Variants in TOR1AIP1 observed in about 807,000 individuals in gnomAD.
TOR1AIP1 encodes the protein torsin-1A-interacting protein 1.
Under a neutral mutation model 63.3 loss-of-function variants are expected in TOR1AIP1, and 54 were observed. The ratio of observed to expected loss-of-function variants is 0.85; its 90% CI spans 0.69 to 1.07. The LOEUF (loss-of-function observed/expected upper bound fraction) is 1.07. TOR1AIP1 is among the 50% of genes least tolerant of loss of function. TOR1AIP1 has a pLI of 0.00. For missense variants in TOR1AIP1, 736 were observed against 715.0 expected (o/e 1.03, Z -0.33); for synonymous variants, 294 against 273.5 (o/e 1.07, Z -0.74).
At chr1:179,890,827 C>A (rs1221892748) in intron 3 of TOR1AIP1, among the ~76,000 whole-genome samples, 2 of 152,232 alleles carry the variant, frequency 1.3e-5, no homozygotes, top group African/African-American at 4.8e-5. Context: ...ACCATGTTGC[C>A]CAGGCTAGTC....
intron 8 of TOR1AIP1, among the ~76,000 whole-genome samples, chr1:179,909,690 CCTCCCTGAATG>C (rs1331553243): frequency 4.6e-5 from 7 of 152,144 alleles, no homozygotes; most frequent in African/African-American, 1.7e-4. Context: ...CCTGCCTTGG[CCTCCCTGAATG>C]CTGGGATTAC....
intron 5 of TOR1AIP1, among the ~76,000 whole-genome samples, chr1:179,901,865 C>T (rs531212583): frequency 1.3e-5 from 2 of 151,908 alleles, no homozygotes; most frequent in Admixed American, 1.3e-4. Context: ...AGAAAAATAC[C>T]AGTTTGAGGC....
At chr1:179,905,781 C>T (rs534840553) in intron 6 of TOR1AIP1, among the ~76,000 whole-genome samples, 5 of 152,124 alleles carry the variant, frequency 3.3e-5, no homozygotes, top group East Asian at 3.9e-4. Flanking sequence ...GGTGAAACCC[C>T]GTCTCTGCTA....
intron 3 of TOR1AIP1, among the ~76,000 whole-genome samples, chr1:179,889,983 A>T (rs1041203639): frequency 2.6e-5 from 4 of 152,160 alleles, no homozygotes; most frequent in African/African-American, 9.7e-5. Flanking sequence ...ATTTTTACTT[A>T]ACATATATAC....
At chr1:179,894,281 A>C (rs1023314696) in intron 3 of TOR1AIP1, among the ~76,000 whole-genome samples, 1 of 152,206 alleles carries the variant, frequency 6.6e-6, no homozygotes, top group East Asian at 1.9e-4. Flanking sequence ...AAAGACGACA[A>C]ATCACGCAAA....
At chr1:179,912,909 G>A (rs1382916926) in intron 8 of TOR1AIP1, among the ~76,000 whole-genome samples, 3 of 152,062 alleles carry the variant, frequency 2.0e-5, no homozygotes, top group Admixed American at 2.0e-4. Flanking sequence ...GATCCACCAG[G>A]AAGTTCATTT....
In TOR1AIP1 at chr1:179,889,382, TTGTC is replaced by T. The variant is rs781049474; in HGVS notation, c.610+17_610+20del. Reference sequence around the variant, plus strand: ...TACCCAAGATATGGTAAGAGATTGTTTGTCTGTTGGTTTACCTTTGTTATAAATA... The same window carrying T: ...TACCCAAGATATGGTAAGAGATTGTTTGTTGGTTTACCTTTGTTATAAATA... On this transcript the variant is annotated intron_variant, in intron 3 of 9. Transcript: ENST00000606911. 2 of 1,600,554 alleles carry T rather than the reference TTGTC, an allele frequency of 1.2e-6. No individual in the cohort carries two copies. The highest frequency in any genetic ancestry group is 1.1e-5 in the South Asian group (1 of 89,560).
Position 179,882,991 on chromosome 1 carries a change from A to T in TOR1AIP1, c.475+14A>T, listed in dbSNP as rs1647783453. 6.3e-7 allele frequency: 1 copy of T among 1,599,854 alleles called. No individual in the cohort carries two copies. The highest frequency in any genetic ancestry group is 8.5e-7 in the Non-Finnish European group (1 of 1,174,026). ...ATTCCTCTGAAGGTGAGGACCGCGG[A>T]GGTAACAGTCCCAGCCGCGAGCCAG... On this transcript the variant is annotated intron_variant, in intron 1 of 9. Transcript: ENST00000606911.
intron 6 of TOR1AIP1, among the ~76,000 whole-genome samples, chr1:179,907,304 C>G (rs1648670912): frequency 6.6e-6 from 1 of 151,184 alleles, no homozygotes; most frequent in Admixed American, 6.6e-5. Flanking sequence ...TGGTGCACAC[C>G]TGTAATCCCA....
Position 179,886,893 on chromosome 1 carries a change from A to G in TOR1AIP1, c.553+2124A>G, listed in dbSNP as rs1242579530. 2.6e-5 allele frequency among the ~76,000 whole-genome samples: 4 copies of G among 152,320 alleles called. No individual in the cohort carries two copies. The East Asian group carries it at 7.7e-4, about 29-fold the overall frequency. ...TAATGAAAGGAGAGTTTAGGGAATT[A>G]TTAAATGCTTATAAAGTCTAAGAGA... On this transcript the variant is annotated intron_variant, in intron 2 of 9. Transcript: ENST00000606911.
At chr1:179,905,853 T>C (rs1253140605) in intron 6 of TOR1AIP1, among the ~76,000 whole-genome samples, 1 of 152,074 alleles carries the variant, frequency 6.6e-6, no homozygotes, top group Non-Finnish European at 1.5e-5. Context: ...CTTGGGAGGC[T>C]GAGGCAGGAG....
chr1:179,910,971 C>T (rs1648816352), intron 8 of TOR1AIP1, among the ~76,000 whole-genome samples: 1 of 152,076 alleles, frequency 6.6e-6, no homozygotes, highest in African/African-American at 2.4e-5. Context: ...AAATTGATAG[C>T]TAATTTTTAG....
chr1:179,910,483 G>A (rs1250329577), intron 8 of TOR1AIP1, among the ~76,000 whole-genome samples: 1 of 152,136 alleles, frequency 6.6e-6, no homozygotes, highest in Non-Finnish European at 1.5e-5. Flanking sequence ...TTCTTAAGCA[G>A]TCTAGAACCG....
chr1:179,894,764 T>C (rs778311052), intron 3 of TOR1AIP1, among the ~76,000 whole-genome samples: 1 of 152,190 alleles, frequency 6.6e-6, no homozygotes, highest in Non-Finnish European at 1.5e-5. Context: ...AGTAGTCTTA[T>C]TTATATTTTC....
chr1:179,901,247 A>G, intron 4 of TOR1AIP1, 55 bp from the exon 5 acceptor site: 2 of 1,192,358 alleles, frequency 1.7e-6, no homozygotes, highest in Non-Finnish European at 2.3e-6. Flanking sequence ...TTTTAAATTC[A>G]GATCTTCTGA....
intron 3 of TOR1AIP1, among the ~76,000 whole-genome samples, chr1:179,893,310 A>G (rs776331154): frequency 2.0e-5 from 3 of 152,138 alleles, no homozygotes; most frequent in African/African-American, 4.8e-5. Context: ...TAGTAATGTT[A>G]GTACACCTTG....
rs576715158 is a variant in TOR1AIP1, at chr1:179,911,070, C to T, written c.907+2397C>T. Among the ~76,000 whole-genome samples the T allele has an allele frequency of 6.6e-5, 10 of 152,222 alleles. No individual in the cohort carries two copies. In the East Asian group the frequency reaches 1.9e-3, roughly 29 times the overall value. On this transcript the variant is annotated intron_variant, in intron 8 of 9. Transcript: ENST00000606911. The stretch of plus-strand genomic sequence containing the variant: ...TATACATTGGTTGCTAACCACCTAC[C>T]ATATATAGATAACCACATTGAGCTT...
At chr1:179,887,913 G>A (rs147319065) in intron 2 of TOR1AIP1, 2 of 152,354 alleles carry the variant, frequency 1.3e-5, no homozygotes, top group African/African-American at 4.8e-5. Context: ...TGAGGGTGCA[G>A]TGGTGAACAA....
chr1:179,913,658 G>A (rs1208846960), intron 8 of TOR1AIP1: 1 of 702,236 alleles, frequency 1.4e-6, no homozygotes, highest in East Asian at 2.7e-5. Context: ...TTATTATGGT[G>A]TGCTTAGTTT....
Sources: allele counts gnomAD v4.1 joint callset (sites outside exome capture counted in the v4.1 genomes callset), GRCh38; gene constraint gnomAD v4.1.1; transcripts MANE v1.5; gene names NCBI Gene and HGNC (gene_info 2026-07-23, HGNC 2026-07-21).